CDK17: variants seen among roughly 807,000 people sequenced by gnomAD.
The protein encoded by CDK17 is cyclin dependent kinase 17.
CDK17 carries 24 observed loss-of-function variants against 77.6 expected under a neutral mutation model. The ratio of observed to expected loss-of-function variants is 0.31; its 90% CI spans 0.22 to 0.44. CDK17 has a LOEUF of 0.44. CDK17 is among the 20% of genes least tolerant of loss of function. The probability of loss-of-function intolerance (pLI) is 1.00; values close to 1 mark genes in which losing one functional copy is unlikely to be tolerated. For missense variants in CDK17, 429 were observed against 622.5 expected, an observed-to-expected ratio of 0.69 and a Z score of 3.31; for synonymous variants, 203 against 210.4, an observed-to-expected ratio of 0.96 and a Z score of 0.30.
chr12:96,388,189 G>A (rs1008632943), intron 1 of CDK17, among the ~76,000 whole-genome samples: 1 of 152,124 alleles, frequency 6.6e-6, no homozygotes, highest in African/African-American at 2.4e-5. Context: ...AGACTATTAA[G>A]ATGTCAAGTA....
rs1036650802 is a variant in CDK17, at chr12:96,324,043, C to A, written c.188G>T (p.Gly63Val). Residue 63 changes from glycine to valine, a missense_variant, in exon 3 of 17, where the codon GGA (glycine) becomes GTA (valine). Physicochemically the swap from Gly to Val is moderately radical, Grantham distance 109. Coordinates refer to ENST00000261211, the MANE Select transcript of CDK17 (RefSeq NM_002595.5). ...SMHSFLHQYT[G>V]SFKKPPLRRP... is the part of the protein sequence containing the mutation. The stretch of plus-strand genomic sequence containing the variant: ...CCGCAATGGGGGCTTCTTGAAAGAT[C>A]CTGTGTACTGGTGGAGGAAGGAATG... The A allele has an allele frequency of 4.3e-6, 7 of 1,611,788 alleles. No homozygotes were observed. The African/African-American group carries it at 8.0e-5, about 18-fold the overall frequency.
rs532664971 is a variant in CDK17, at chr12:96,312,720, C to T, written c.417+601G>A. Among the ~76,000 whole-genome samples the T allele has an allele frequency of 3.9e-5, 6 of 152,014 alleles. No homozygotes were observed. In the East Asian group the frequency reaches 7.7e-4, roughly 20 times the overall value. ...ACAGTACGTACTGAAATAACAGTCA[C>T]GATCAACTTATGTCCTCAAGGTTAT... is the stretch of plus-strand genomic sequence containing the variant. On this transcript the variant is annotated intron_variant, in intron 4 of 16. Transcript: ENST00000261211.
intron 1 of CDK17, among the ~76,000 whole-genome samples, chr12:96,360,269 G>A (rs367701101): frequency 6.6e-6 from 1 of 152,332 alleles, no homozygotes. Flanking sequence ...AAGCGTAATG[G>A]AGGTGGAAGG....
intron 5 of CDK17, among the ~76,000 whole-genome samples, chr12:96,310,728 T>A (rs1249795812): frequency 6.6e-6 from 1 of 151,108 alleles, no homozygotes; most frequent in African/African-American, 2.4e-5. Flanking sequence ...ATATCTAGTA[T>A]ATATTAATAC....
At chr12:96,287,160 ATT>A (rs1952256943) in intron 11 of CDK17, among the ~76,000 whole-genome samples, 1 of 152,198 alleles carries the variant, frequency 6.6e-6, no homozygotes, top group African/African-American at 2.4e-5. Flanking sequence ...CTGAAGAGAT[ATT>A]ATGGTAATCT....
intron 11 of CDK17, 106 bp downstream of exon 11, chr12:96,289,061 C>T: frequency 8.0e-7 from 1 of 1,246,424 alleles, no homozygotes; most frequent in Admixed American, 1.9e-5. Context: ...CATTATGGCT[C>T]TTTAAAATAA....
At chr12:96,372,320 T>C (rs942243994) in intron 1 of CDK17, among the ~76,000 whole-genome samples, 3 of 152,180 alleles carry the variant, frequency 2.0e-5, no homozygotes, top group Non-Finnish European at 2.9e-5. Flanking sequence ...GGCCAGTTAA[T>C]TTCAAAGATA....
At chr12:96,358,115 A>G (rs575629205) in intron 1 of CDK17, among the ~76,000 whole-genome samples, 2 of 152,278 alleles carry the variant, frequency 1.3e-5, no homozygotes, top group East Asian at 3.9e-4. Flanking sequence ...CACACAATAT[A>G]TTTACTGTTT....
chr12:96,280,641 C>T, intron 16 of CDK17, 167 bp downstream of exon 16: 1 of 1,426,838 alleles, frequency 7.0e-7, no homozygotes, highest in Non-Finnish European at 9.1e-7. Flanking sequence ...GAGCTGCCCA[C>T]ATCATACAGA....
chr12:96,358,370 TAAAAAAAAA>T (rs35899533), intron 1 of CDK17, among the ~76,000 whole-genome samples: 1 of 35,182 alleles, frequency 2.8e-5, no homozygotes, highest in Non-Finnish European at 5.6e-5. Flanking sequence ...TGCAAACTTG[TAAAAAAAAA>T]AAAAAAAAAA....
At chr12:96,313,262 G>T in intron 4 of CDK17, 59 bp downstream of exon 4, 1 of 1,378,232 alleles carries the variant, frequency 7.3e-7, no homozygotes, top group Non-Finnish European at 9.8e-7. Context: ...ATATGTATGT[G>T]TATTAACATA....
chr12:96,304,491 C>T (rs1252485204), intron 5 of CDK17, among the ~76,000 whole-genome samples: 1 of 152,102 alleles, frequency 6.6e-6, no homozygotes, highest in Non-Finnish European at 1.5e-5. Flanking sequence ...GAGCCAAGAT[C>T]GTGCCACTGC....
chr12:96,398,427 AC>A (rs1954206095), intron 1 of CDK17, among the ~76,000 whole-genome samples: 1 of 152,212 alleles, frequency 6.6e-6, no homozygotes, highest in African/African-American at 2.4e-5. Context: ...TTATATTACC[AC>A]TAGCAAATTT....
intron 1 of CDK17, among the ~76,000 whole-genome samples, chr12:96,348,988 C>A (rs898715261): frequency 6.6e-6 from 1 of 151,934 alleles, no homozygotes; most frequent in East Asian, 1.9e-4. Context: ...ACAAAGACAT[C>A]GTAAGAAAAG....
At chr12:96,373,800 G>A (rs1953732983) in intron 1 of CDK17, among the ~76,000 whole-genome samples, 1 of 151,854 alleles carries the variant, frequency 6.6e-6, no homozygotes, top group Non-Finnish European at 1.5e-5. Flanking sequence ...TGCCCCTGTA[G>A]TCCCAGCTAC....
intron 3 of CDK17, among the ~76,000 whole-genome samples, chr12:96,315,704 G>C (rs1209236248): frequency 1.3e-5 from 2 of 152,080 alleles, no homozygotes; most frequent in African/African-American, 2.4e-5. Context: ...GTAATACCTA[G>C]GAAGCAAAAA....
chr12:96,373,173 T>C (rs1240792542), intron 1 of CDK17, among the ~76,000 whole-genome samples: 2 of 152,214 alleles, frequency 1.3e-5, no homozygotes, highest in Non-Finnish European at 2.9e-5. Context: ...TAAGAGAAAC[T>C]GAGAATAAGT....
chr12:96,348,522 T>TGA (rs1592745440), intron 1 of CDK17, among the ~76,000 whole-genome samples: 1 of 42,222 alleles, frequency 2.4e-5, no homozygotes, highest in Non-Finnish European at 4.6e-5. Context: ...AGACTCTGTC[T>TGA]CAAAAAAAAA....
At chr12:96,358,348 C>A (rs1278843789) in intron 1 of CDK17, among the ~76,000 whole-genome samples, 2 of 128,460 alleles carry the variant, frequency 1.6e-5, no homozygotes, top group Non-Finnish European at 3.2e-5. Flanking sequence ...TTGTCATAAG[C>A]CCAGAACTCT....
Sources: allele counts gnomAD v4.1 joint callset (sites outside exome capture counted in the v4.1 genomes callset), GRCh38; gene constraint gnomAD v4.1.1; transcripts MANE v1.5; gene names NCBI Gene and HGNC (gene_info 2026-07-23, HGNC 2026-07-21).